Variants in JAK1 observed in about 807,000 individuals in gnomAD.
JAK1 encodes the protein tyrosine-protein kinase JAK1.
A neutral mutation model predicts 136.6 loss-of-function variants in JAK1; 16 were observed. The ratio of observed to expected loss-of-function variants is 0.12; its 90% CI spans 0.08 to 0.18. The LOEUF is 0.18. Among genes scored for constraint, JAK1 ranks in the 10% least tolerant of loss-of-function variants. JAK1 has a pLI of 1.00. For missense variants in JAK1, 859 were observed against 1,450.1 expected (o/e 0.59, Z 6.62); for synonymous variants, 492 against 519.5 (o/e 0.95, Z 0.72).
chr1:65,012,796 CAAA>C (rs374552765), intron 2 of JAK1, among the ~76,000 whole-genome samples: 8 of 116,008 alleles, frequency 6.9e-5, no homozygotes, highest in Admixed American at 8.6e-5. Context: ...GACCCTGTCT[CAAA>C]AAAAAAAAAA....
intron 2 of JAK1, among the ~76,000 whole-genome samples, chr1:64,981,863 A>G (rs1646548971): frequency 6.6e-6 from 1 of 152,164 alleles, no homozygotes; most frequent in South Asian, 2.1e-4. Context: ...CCAGGATAAT[A>G]ATGCCCCTTT....
At chr1:64,894,373 C>T (rs1391448342) in intron 1 of JAK1, among the ~76,000 whole-genome samples, 1 of 152,200 alleles carries the variant, frequency 6.6e-6, no homozygotes, top group Admixed American at 6.5e-5. Flanking sequence ...GGTTCCAATG[C>T]TAGACAACCC....
intron 2 of JAK1, among the ~76,000 whole-genome samples, chr1:65,043,733 T>C (rs1452926814): frequency 6.9e-6 from 1 of 145,624 alleles, no homozygotes; most frequent in African/African-American, 2.6e-5. Context: ...TTTGCTTGTT[T>C]GTTTGTTTAG....
intron 3 of JAK1, 41 bp from the exon 4 acceptor site, chr1:64,879,189 A>G: frequency 6.2e-7 from 1 of 1,611,564 alleles, no homozygotes; most frequent in South Asian, 1.1e-5. Flanking sequence ...ATCAAGGCGG[A>G]TACATTTGGC....
At chr1:64,948,924 C>T (rs1646033474) in intron 1 of JAK1, among the ~76,000 whole-genome samples, 1 of 152,148 alleles carries the variant, frequency 6.6e-6, no homozygotes. Context: ...GTCTCTAAGG[C>T]TGTATATTCA....
chr1:64,966,701 C>T (rs980375015), upstream of JAK1, among the ~76,000 whole-genome samples: 1 of 151,188 alleles, frequency 6.6e-6, no homozygotes. Flanking sequence ...GCCTACCCGC[C>T]CCGCCCCCAT....
intron 19 of JAK1, among the ~76,000 whole-genome samples, chr1:64,840,654 C>T (rs1410607694): frequency 2.6e-5 from 4 of 152,080 alleles, no homozygotes; most frequent in Admixed American, 2.6e-4. Context: ...CATAGCAAGA[C>T]CCCATTTCTA....
Position 64,857,690 on chromosome 1 carries a change from ATGT to A in JAK1, c.1421_1423del (p.Asn474del). ...CTCAAAGCAGGTGACGGTCATGAGGATGTTGTCAAAGTCGGTGCAGCTCCACCT... is the reference window on the plus strand; with the variant it reads ...CTCAAAGCAGGTGACGGTCATGAGGATGTCAAAGTCGGTGCAGCTCCACCT... On this transcript the variant is annotated inframe_deletion, in exon 10 of 25. Transcript: ENST00000342505. 6.2e-7 allele frequency: 1 copy of A among 1,614,148 alleles called. No homozygotes were observed. The highest frequency in any genetic ancestry group is 8.5e-7 in the Non-Finnish European group (1 of 1,180,020).
chr1:64,899,948 G>A (rs903216063), intron 1 of JAK1, among the ~76,000 whole-genome samples: 2 of 152,210 alleles, frequency 1.3e-5, no homozygotes, highest in African/African-American at 4.8e-5. Context: ...AATGGATGGG[G>A]AGGACATTAC....
At chr1:64,980,033 T>G (rs1646530170) in intron 2 of JAK1, among the ~76,000 whole-genome samples, 1 of 152,230 alleles carries the variant, frequency 6.6e-6, no homozygotes, top group Non-Finnish European at 1.5e-5. Flanking sequence ...AATATTTATA[T>G]TGATTCAGCA....
At chr1:64,931,576 G>A (rs148256321) in intron 1 of JAK1, among the ~76,000 whole-genome samples, 230 of 152,052 alleles carry the variant, frequency 1.5e-3, no homozygotes, top group African/African-American at 5.3e-3. Flanking sequence ...CAATTACTAC[G>A]CTCCAGGGGC....
At chr1:64,990,304 AAAAC>A (rs895813447) in intron 2 of JAK1, 11 of 152,168 alleles carry the variant, frequency 7.2e-5, no homozygotes, top group Non-Finnish European at 1.5e-4. Flanking sequence ...CTCTGTCTCA[AAAAC>A]AAACAAACAA....
chr1:64,999,741 A>G (rs1391104856), intron 2 of JAK1, among the ~76,000 whole-genome samples: 1 of 151,842 alleles, frequency 6.6e-6, no homozygotes, highest in African/African-American at 2.4e-5. Flanking sequence ...TCTTTAAAAA[A>G]AAAAAAAAAA....
chr1:65,065,978 T>A (rs1209012399), intron 1 of JAK1, among the ~76,000 whole-genome samples: 1 of 149,282 alleles, frequency 6.7e-6, no homozygotes, highest in African/African-American at 2.5e-5. Context: ...GATCACAACT[T>A]GCCGGGGGAA....
chr1:64,900,235 T>C (rs1052664467), intron 1 of JAK1, among the ~76,000 whole-genome samples: 1 of 152,194 alleles, frequency 6.6e-6, no homozygotes, highest in African/African-American at 2.4e-5. Context: ...TTATTTGTCA[T>C]TGACTGATAG....
intron 1 of JAK1, among the ~76,000 whole-genome samples, chr1:64,945,727 C>T (rs1645973367): frequency 1.4e-5 from 1 of 70,322 alleles, no homozygotes; most frequent in Non-Finnish European, 4.9e-5. Flanking sequence ...TACTGGTTTG[C>T]TTTCTTTTTT....
intron 2 of JAK1, among the ~76,000 whole-genome samples, chr1:64,995,754 T>C (rs1041479201): frequency 3.3e-5 from 5 of 151,864 alleles, no homozygotes; most frequent in African/African-American, 1.2e-4. Flanking sequence ...GTTTTGTTTT[T>C]GAAACAGGGG....
intron 1 of JAK1, among the ~76,000 whole-genome samples, chr1:65,046,338 G>A (rs550045625): frequency 6.6e-6 from 1 of 152,200 alleles, no homozygotes; most frequent in Non-Finnish European, 1.5e-5. Flanking sequence ...GGACAAGCTG[G>A]AGGCCATGCC....
chr1:64,985,309 C>G, intron 2 of JAK1: 18 of 1,610,478 alleles, frequency 1.1e-5, no homozygotes, highest in Non-Finnish European at 1.5e-5. Flanking sequence ...TAGCTGGATA[C>G]TCTAAAGAGC....
Sources: gnomAD v4.1 joint callset for allele counts (sites outside exome capture counted in the v4.1 genomes callset) on GRCh38, gnomAD v4.1.1 for gene constraint, MANE v1.5 for transcripts, NCBI Gene and HGNC (gene_info 2026-07-23, HGNC 2026-07-21) for gene names.